EYS: variants seen among roughly 807,000 people sequenced by gnomAD.
EYS encodes EGF-like photoreceptor maintenance factor, also known as protein eyes shut homolog.
In EYS, 250 loss-of-function variants were observed where a neutral mutation model predicts 282.1. The observed-to-expected ratio is 0.89, with a 90% CI of 0.80 to 0.98. The LOEUF (loss-of-function observed/expected upper bound fraction) is 0.98. Among genes scored for constraint, EYS ranks in the 50% least tolerant of loss-of-function variants. The probability of loss-of-function intolerance (pLI) is 0.00; values close to 1 mark genes in which losing one functional copy is unlikely to be tolerated. For missense variants in EYS, 4,016 were observed against 3,709.0 expected (o/e 1.08, Z -2.15); for synonymous variants, 1,355 against 1,282.9 (o/e 1.06, Z -1.20).
chr6:63,836,786 C>T (rs150910787), intron 36 of EYS, among the ~76,000 whole-genome samples: 15 of 152,092 alleles, frequency 9.9e-5, no homozygotes, highest in African/African-American at 3.1e-4. Context: ...AGGACATAGT[C>T]CTCGTTTGAC....
intron 28 of EYS, among the ~76,000 whole-genome samples, chr6:64,392,456 A>C (rs1276488238): frequency 1.5e-4 from 22 of 151,366 alleles, no homozygotes. Context: ...TCAAACTAGA[A>C]CTCAGGACTA....
chr6:65,001,305 G>T (rs1771461037), intron 13 of EYS, among the ~76,000 whole-genome samples: 1 of 147,368 alleles, frequency 6.8e-6, no homozygotes, highest in Non-Finnish European at 1.5e-5. Context: ...GCTCTCAGCA[G>T]GATGGATGGG....
At chr6:63,834,212 G>T (rs1299748189) in intron 36 of EYS, among the ~76,000 whole-genome samples, 3 of 152,084 alleles carry the variant, frequency 2.0e-5, no homozygotes, top group Non-Finnish European at 4.4e-5. Flanking sequence ...AGACAAATGG[G>T]ATCTAATTAA....
chr6:65,507,895 T>A (rs986107639), intron 2 of EYS, among the ~76,000 whole-genome samples: 1 of 152,224 alleles, frequency 6.6e-6, no homozygotes, highest in African/African-American at 2.4e-5. Flanking sequence ...TTAAATTATC[T>A]ATGTGGTATT....
At chr6:64,999,817 A>G (rs371530851) in intron 13 of EYS, among the ~76,000 whole-genome samples, 1 of 152,266 alleles carries the variant, frequency 6.6e-6, no homozygotes, top group African/African-American at 2.4e-5. Context: ...TTGCCAGGGC[A>G]GTCAGAGGGG....
At chr6:64,165,344 TAATC>T (rs1234749650) in intron 31 of EYS, among the ~76,000 whole-genome samples, 6 of 152,066 alleles carry the variant, frequency 3.9e-5, no homozygotes, top group Non-Finnish European at 7.4e-5. Flanking sequence ...AATTTATAAT[TAATC>T]TATAATTTTA....
At chr6:65,360,512 G>A (rs1332030549) in intron 8 of EYS, among the ~76,000 whole-genome samples, 1 of 151,986 alleles carries the variant, frequency 6.6e-6, no homozygotes, top group Non-Finnish European at 1.5e-5. Context: ...AGGGAAATCT[G>A]ATTTTAACAG....
At chr6:64,648,538 T>A (rs975468161) in intron 22 of EYS, among the ~76,000 whole-genome samples, 5 of 152,168 alleles carry the variant, frequency 3.3e-5, no homozygotes, top group Admixed American at 6.5e-5. Flanking sequence ...GTACAACGGC[T>A]TAAGGGCACT....
At chr6:63,986,231 C>A (rs1767358778) in intron 34 of EYS, among the ~76,000 whole-genome samples, 1 of 151,706 alleles carries the variant, frequency 6.6e-6, no homozygotes, top group Non-Finnish European at 1.5e-5. Flanking sequence ...GATACCATCT[C>A]ACACCAGTCA....
chr6:65,290,147 A>C (rs1338663828), intron 12 of EYS, among the ~76,000 whole-genome samples: 1 of 151,188 alleles, frequency 6.6e-6, no homozygotes, highest in Non-Finnish European at 1.5e-5. Flanking sequence ...CAACAGACAG[A>C]ATAAAAAATT....
At chr6:64,624,639 G>C (rs185916391) in intron 23 of EYS, among the ~76,000 whole-genome samples, 24 of 152,236 alleles carry the variant, frequency 1.6e-4, no homozygotes, top group African/African-American at 4.8e-4. Context: ...TACTAGTAAT[G>C]AATGTTCAAA....
At chr6:65,504,415 T>C (rs1654993284) in intron 2 of EYS, among the ~76,000 whole-genome samples, 1 of 151,734 alleles carries the variant, frequency 6.6e-6, no homozygotes, top group African/African-American at 2.4e-5. Context: ...ATTTTCTAAT[T>C]GTACTAGCTA....
intron 8 of EYS, among the ~76,000 whole-genome samples, chr6:65,361,905 A>T (rs1764725148): frequency 6.6e-6 from 1 of 152,166 alleles, no homozygotes; most frequent in South Asian, 2.1e-4. Flanking sequence ...TGACTGAAGA[A>T]ATTGAGCAAA....
intron 2 of EYS, among the ~76,000 whole-genome samples, chr6:65,524,079 C>T (rs1324665163): frequency 6.6e-6 from 1 of 152,158 alleles, no homozygotes; most frequent in Non-Finnish European, 1.5e-5. Context: ...GCCATGTTGG[C>T]CAGGCTGGTC....
chr6:65,580,359 C>T (rs937109614), intron 2 of EYS, among the ~76,000 whole-genome samples: 1 of 151,994 alleles, frequency 6.6e-6, no homozygotes, highest in Admixed American at 6.6e-5. Flanking sequence ...TATGGCTGTG[C>T]TTATTCAAGA....
intron 22 of EYS, among the ~76,000 whole-genome samples, chr6:64,698,728 C>G (rs1175961514): frequency 2.0e-5 from 3 of 152,074 alleles, no homozygotes; most frequent in Non-Finnish European, 4.4e-5. Context: ...ATAAAAAAAG[C>G]TCAATATCAA....
At chr6:64,163,062 G>A (rs1208613179) in intron 31 of EYS, among the ~76,000 whole-genome samples, 1 of 152,058 alleles carries the variant, frequency 6.6e-6, no homozygotes, top group Non-Finnish European at 1.5e-5. Flanking sequence ...TGTAACACAA[G>A]AAATATTGTT....
intron 35 of EYS, among the ~76,000 whole-genome samples, chr6:63,908,092 A>G (rs866115648): frequency 6.7e-6 from 1 of 148,424 alleles, no homozygotes; most frequent in Non-Finnish European, 1.5e-5. Flanking sequence ...GTCTCTATCA[A>G]TCTATAACAT....
chr6:65,648,145 T>G (rs1344139769), intron 1 of EYS, among the ~76,000 whole-genome samples: 1 of 152,140 alleles, frequency 6.6e-6, no homozygotes, highest in Non-Finnish European at 1.5e-5. Flanking sequence ...TAAAAGTAGA[T>G]CTACCATTTG....
Sources: gnomAD v4.1 joint callset for allele counts (sites outside exome capture counted in the v4.1 genomes callset) on GRCh38, gnomAD v4.1.1 for gene constraint, MANE v1.5 for transcripts, NCBI Gene and HGNC (gene_info 2026-07-23, HGNC 2026-07-21) for gene names.